Variants in XKR4 observed in about 807,000 individuals in gnomAD.
XKR4 encodes the protein XK-related protein 4.
A neutral mutation model predicts 53.9 loss-of-function variants in XKR4; 12 were observed. That is an observed-to-expected ratio of 0.22 (90% CI 0.14 to 0.36). XKR4 has a LOEUF of 0.36. Ranked by LOEUF, XKR4 falls within the 10% of genes least tolerant of loss-of-function variation. The pLI is 1.00. For synonymous variants in XKR4, 354 were observed against 362.4 expected (o/e 0.98, Z 0.26); for missense variants, 799 against 859.5 (o/e 0.93, Z 0.88).
intron 1 of XKR4, among the ~76,000 whole-genome samples, chr8:55,323,028 A>G (rs557836483): frequency 1.3e-5 from 2 of 152,334 alleles, no homozygotes; most frequent in South Asian, 2.1e-4. Context: ...GTTTTCTGTA[A>G]GGATTTTGCA....
intron 1 of XKR4, among the ~76,000 whole-genome samples, chr8:55,200,327 C>G (rs557012449): frequency 6.6e-6 from 1 of 152,290 alleles, no homozygotes; most frequent in Non-Finnish European, 1.5e-5. Flanking sequence ...CTCGGCCTCC[C>G]AAAGTGCTGG....
At chr8:55,218,247 T>C (rs953868885) in intron 1 of XKR4, among the ~76,000 whole-genome samples, 3 of 152,226 alleles carry the variant, frequency 2.0e-5, no homozygotes, top group Non-Finnish European at 4.4e-5. Flanking sequence ...ATTATAAAAG[T>C]CCACTTTTGT....
At chr8:55,517,418 C>T (rs1806728884) in intron 2 of XKR4, 1 of 152,020 alleles carries the variant, frequency 6.6e-6, no homozygotes, top group African/African-American at 2.4e-5. Flanking sequence ...GGAGTCACAT[C>T]CGTCAGTACC....
intron 2 of XKR4, among the ~76,000 whole-genome samples, chr8:55,510,925 A>T: frequency 6.6e-6 from 1 of 152,180 alleles, no homozygotes; most frequent in East Asian, 1.9e-4. Context: ...TGGGGTCCTC[A>T]CACGGTGGGC....
intron 1 of XKR4, among the ~76,000 whole-genome samples, chr8:55,197,458 G>T (rs1817519235): frequency 6.6e-6 from 1 of 152,058 alleles, no homozygotes; most frequent in East Asian, 1.9e-4. Flanking sequence ...GTGATTACAT[G>T]AATGGATAAA....
chr8:55,518,651 G>A (rs1806753393), intron 2 of XKR4, among the ~76,000 whole-genome samples: 1 of 152,150 alleles, frequency 6.6e-6, no homozygotes, highest in Admixed American at 6.5e-5. Flanking sequence ...TAGGCCCGTG[G>A]GGTTTCAGGT....
At chr8:55,142,238 C>G (rs556788420) in intron 1 of XKR4, 13 of 454,362 alleles carry the variant, frequency 2.9e-5, no homozygotes, top group Middle Eastern at 3.3e-4. Context: ...TTGAAACTTG[C>G]TCTTAGACCT....
chr8:55,150,077 C>G (rs1286059488), intron 1 of XKR4, among the ~76,000 whole-genome samples: 1 of 152,192 alleles, frequency 6.6e-6, no homozygotes, highest in Non-Finnish European at 1.5e-5. Context: ...TATTTTTCAT[C>G]TGTAAAATGT....
intron 1 of XKR4, among the ~76,000 whole-genome samples, chr8:55,338,556 C>T (rs533953190): frequency 4.8e-4 from 73 of 152,310 alleles, no homozygotes; most frequent in African/African-American, 1.7e-3. Context: ...CATGTTGACA[C>T]CCTCTTATTT....
intron 2 of XKR4, among the ~76,000 whole-genome samples, chr8:55,410,003 A>C (rs1481326294): frequency 6.6e-6 from 1 of 152,034 alleles, no homozygotes; most frequent in Admixed American, 6.6e-5. Context: ...AATTGTGAGA[A>C]CAGTCTGACT....
chr8:55,527,514 G>C lies in XKR4; in HGVS notation c.*3287G>C, dbSNP rs533525959. The C allele has an allele frequency of 6.6e-6, 1 of 152,216 alleles. No individual in the cohort carries two copies. Among genetic ancestry groups the C allele is most frequent in the Non-Finnish European group, 1.5e-5 (1 of 68,036 alleles). The allele number at this position is 152,216 out of a possible 1,614,324, so 9.4% of individuals were successfully genotyped here. A position where few individuals can be genotyped will look rare whatever the true frequency, so the allele number is the denominator to read the frequency against. ...TAATGAATATATATAATGTGTGTGT[G>C]TGTATCTTAACCATAGTGACACTTT... is the stretch of plus-strand genomic sequence containing the variant. On this transcript the variant is annotated 3_prime_UTR_variant, in exon 3 of 3. Transcript: ENST00000327381.
chr8:55,220,142 G>A (rs990385451), intron 1 of XKR4, among the ~76,000 whole-genome samples: 3 of 152,032 alleles, frequency 2.0e-5, no homozygotes, highest in Non-Finnish European at 2.9e-5. Flanking sequence ...TTTCTATAAT[G>A]TATGCATAGA....
Position 55,523,339 on chromosome 8 carries a change from G to A in XKR4, c.1065G>A (p.Lys355=). The A allele has an allele frequency of 6.2e-7, 1 of 1,614,116 alleles. No homozygotes were observed. Among genetic ancestry groups the A allele is most frequent in the Non-Finnish European group, 8.5e-7 (1 of 1,179,988 alleles). ...CCTGGGCCTTGGCCTCCTACCAGAA[G>A]GCCCTCCGGGACTCTCGAGATGACA... ...SLAWALASYQ[K]ALRDSRDDKK... The change falls in exon 3 of 3, where the codon AAG becomes AAA. Residue 355 remains lysine (K), a synonymous_variant. Coordinates refer to ENST00000327381, the MANE Select transcript of XKR4 (RefSeq NM_052898.2).
intron 2 of XKR4, among the ~76,000 whole-genome samples, chr8:55,411,822 C>T (rs1377055637): frequency 6.6e-6 from 1 of 152,162 alleles, no homozygotes; most frequent in Admixed American, 6.5e-5. Context: ...CCCTCAGGCC[C>T]AGCACTGCCT....
chr8:55,516,022 G>A (rs1184922225), intron 2 of XKR4, among the ~76,000 whole-genome samples: 4 of 152,200 alleles, frequency 2.6e-5, no homozygotes, highest in Admixed American at 2.0e-4. Flanking sequence ...AATTACATGA[G>A]TGTGGGCAAG....
At chr8:55,268,699 T>C (rs4478549) in intron 1 of XKR4, among the ~76,000 whole-genome samples, 114,117 of 152,038 alleles carry the variant, frequency 0.75, 46,078 homozygotes, top group Non-Finnish European at 0.91. Flanking sequence ...TGAACCTAGC[T>C]TTGAGTGCAT....
chr8:55,133,402 A>G (rs1222434266), intron 1 of XKR4, among the ~76,000 whole-genome samples: 2 of 152,258 alleles, frequency 1.3e-5, no homozygotes, highest in Non-Finnish European at 2.9e-5. Context: ...AGGCACACAC[A>G]TGCAGTTTCC....
At chr8:55,171,806 C>T (rs1019229949) in intron 1 of XKR4, among the ~76,000 whole-genome samples, 50 of 152,128 alleles carry the variant, frequency 3.3e-4, no homozygotes, top group African/African-American at 1.2e-3. Context: ...CCCCGAGCTA[C>T]ATTCCCTGTT....
intron 2 of XKR4, among the ~76,000 whole-genome samples, chr8:55,373,537 G>A (rs1415727398): frequency 1.3e-5 from 2 of 151,916 alleles, no homozygotes; most frequent in African/African-American, 4.8e-5. Context: ...GATGGGGCAT[G>A]AACTTCCCTA....
Sources: gnomAD v4.1 joint callset for allele counts (sites outside exome capture counted in the v4.1 genomes callset) on GRCh38, gnomAD v4.1.1 for gene constraint, MANE v1.5 for transcripts, NCBI Gene and HGNC (gene_info 2026-07-23, HGNC 2026-07-21) for gene names.